CHIC2: variants seen among roughly 807,000 people sequenced by gnomAD.
The protein encoded by CHIC2 is cysteine-rich hydrophobic domain-containing protein 2.
In CHIC2, 14 loss-of-function variants were observed where a neutral mutation model predicts 25.9. The observed-to-expected ratio is 0.54, with a 90% CI of 0.36 to 0.85. The LOEUF is 0.85. Among genes scored for constraint, CHIC2 ranks in the 40% least tolerant of loss-of-function variants. The pLI is 0.01. For missense variants in CHIC2, 146 were observed against 202.0 expected (o/e 0.72, Z 1.68); for synonymous variants, 70 against 72.0 (o/e 0.97, Z 0.14).
chr4:54,087,688 C>T, the CHIC2 span: 1 of 541,000 alleles, frequency 1.8e-6, no homozygotes. Flanking sequence ...GGGCCATTTG[C>T]ATGATTTCCT....
At chr4:54,053,503 C>G (rs904286428) in intron 1 of CHIC2, among the ~76,000 whole-genome samples, 32 of 142,848 alleles carry the variant, frequency 2.2e-4, no homozygotes, top group Admixed American at 2.0e-3. Flanking sequence ...TGCAGTGAGC[C>G]AAGATTGCGT....
chr4:54,083,836 T>C, the CHIC2 span, among the ~76,000 whole-genome samples: 3 of 152,184 alleles, frequency 2.0e-5, 1 homozygote, highest in South Asian at 6.2e-4. Flanking sequence ...ACCATTCATC[T>C]TACTACAGAG....
chr4:54,011,022 T>G lies in CHIC2; in HGVS notation c.448-877A>C, dbSNP rs556418391. ...GAGCTAATTTTTCCAAATTTGAATT[T>G]TCTTAAATTACAGTCAACTCTTTCT... On this transcript the variant is annotated intron_variant, in intron 5 of 5. Coordinates refer to ENST00000263921, the MANE Select transcript of CHIC2 (RefSeq NM_012110.4). Among the ~76,000 whole-genome samples the G allele has an allele frequency of 1.3e-4, 20 of 152,266 alleles. No homozygotes were observed. The South Asian group carries it at 4.1e-3, about 32-fold the overall frequency.
chr4:54,035,673 G>C (rs910289440), intron 3 of CHIC2, among the ~76,000 whole-genome samples: 1 of 151,964 alleles, frequency 6.6e-6, no homozygotes, highest in Non-Finnish European at 1.5e-5. Flanking sequence ...TCAAAGGTTT[G>C]ATTATTTCTA....
intron 3 of CHIC2, among the ~76,000 whole-genome samples, chr4:54,036,841 G>C (rs1380355750): frequency 1.3e-5 from 2 of 150,516 alleles, no homozygotes; most frequent in African/African-American, 4.9e-5. Flanking sequence ...ATATGACCAA[G>C]GCATTCCACT....
intron 1 of CHIC2, among the ~76,000 whole-genome samples, chr4:54,058,726 A>T (rs1304965903): frequency 1.3e-5 from 2 of 152,172 alleles, no homozygotes; most frequent in East Asian, 3.8e-4. Flanking sequence ...AGACACAGCT[A>T]TTAGAGATTT....
intron 3 of CHIC2, among the ~76,000 whole-genome samples, chr4:54,028,754 C>G (rs373142472): frequency 6.6e-6 from 1 of 152,180 alleles, no homozygotes; most frequent in Admixed American, 6.5e-5. Flanking sequence ...AGTTAAACAT[C>G]AGGAATTTAG....
chr4:54,062,606 T>C (rs1717371889), intron 1 of CHIC2, among the ~76,000 whole-genome samples: 1 of 152,210 alleles, frequency 6.6e-6, no homozygotes, highest in Admixed American at 6.5e-5. Flanking sequence ...CCCAACAAAG[T>C]GCTTAGCTTT....
chr4:54,070,390 TTATTTATTTATTTATTTATGTATTTATG>T, the CHIC2 span, among the ~76,000 whole-genome samples: 5 of 136,884 alleles, frequency 3.7e-5, no homozygotes, highest in Admixed American at 7.3e-5. Context: ...TATTATTTAT[TTATTTATTTATTTATTTATGTATTTATG>T]TATTTATTTA....
chr4:54,068,880 C>T (rs1356491815), upstream of CHIC2, among the ~76,000 whole-genome samples: 5 of 152,214 alleles, frequency 3.3e-5, no homozygotes, highest in Admixed American at 1.3e-4. Flanking sequence ...GACTGACCAG[C>T]TATAAATTGG....
chr4:54,027,919 A>C (rs2110068776), intron 3 of CHIC2, among the ~76,000 whole-genome samples: 1 of 152,326 alleles, frequency 6.6e-6, no homozygotes, highest in African/African-American at 2.4e-5. Flanking sequence ...TGTTTTTATA[A>C]AAGCAAAACA....
At chr4:54,064,686 C>CGCGT, upstream of CHIC2, 1 of 1,019,352 alleles carries the variant, frequency 9.8e-7, no homozygotes, top group Non-Finnish European at 1.2e-6. This position sits in a 1 kb window ranked among gnomAD's most constrained non-coding sequence, Gnocchi z 4.2. Flanking sequence ...GGCGGGCGGG[C>CGCGT]GCGTGCGTGG....
In CHIC2 at chr4:54,014,108, C is replaced by T. The variant is rs139288559; in HGVS notation, c.342G>A (p.Ser114=). The change falls in exon 4 of 6, where the codon TCG becomes TCA. Residue 114 remains serine (S), a synonymous_variant. Transcript: ENST00000263921. ...VICLSKRTRR[S]IEKLLEWENN... Reference sequence around the variant, plus strand: ...TTTCCCATTCTAATAACTTCTCAATCGATCTTCGTGTCTGGAAGACAAATG... The same window carrying T: ...TTTCCCATTCTAATAACTTCTCAATTGATCTTCGTGTCTGGAAGACAAATG... The T allele has an allele frequency of 5.0e-6, 8 of 1,613,118 alleles. No homozygotes were observed. In the African/African-American group the frequency reaches 8.0e-5, roughly 16 times the overall value.
chr4:54,047,355 G>T (rs1051353131), intron 3 of CHIC2, among the ~76,000 whole-genome samples: 74 of 152,110 alleles, frequency 4.9e-4, no homozygotes, highest in Admixed American at 9.8e-4. Flanking sequence ...CACACGTATG[G>T]TTATTGCAGC....
intron 3 of CHIC2, among the ~76,000 whole-genome samples, chr4:54,047,722 C>G (rs1716877903): frequency 1.3e-5 from 2 of 151,456 alleles, no homozygotes; most frequent in African/African-American, 4.9e-5. Flanking sequence ...ATGGGTGCAG[C>G]ACACCAACAT....
intron 3 of CHIC2, among the ~76,000 whole-genome samples, chr4:54,035,484 AT>A (rs1445090124): frequency 6.6e-6 from 1 of 152,124 alleles, no homozygotes; most frequent in African/African-American, 2.4e-5. Context: ...TTTTCAAGGA[AT>A]TTGTCCACTT....
chr4:54,014,042 G>A, intron 4 of CHIC2, 21 bp downstream of exon 4: 2 of 1,612,278 alleles, frequency 1.2e-6, no homozygotes, highest in Non-Finnish European at 1.7e-6. Context: ...ACAGTACGAA[G>A]CTGCTCCCTG....
intron 3 of CHIC2, among the ~76,000 whole-genome samples, chr4:54,031,916 A>G (rs35185347): frequency 0.4 from 60,067 of 151,762 alleles, 12,905 homozygotes; most frequent in African/African-American, 0.56. Context: ...CACAGTGCCC[A>G]GCCCACTTGC....
chr4:54,063,780 G>A lies in CHIC2; in HGVS notation c.119+402C>T, dbSNP rs1412785033. ...TGTCACTGGGGTCTCACACGGCCCA[G>A]ATCTGGCCTCTGAGCCATGTCACTG... On this transcript the variant is annotated intron_variant, in intron 1 of 5. Coordinates refer to ENST00000263921, the MANE Select transcript of CHIC2 (RefSeq NM_012110.4). 2.0e-5 allele frequency among the ~76,000 whole-genome samples: 3 copies of A among 152,232 alleles called. No individual in the cohort carries two copies. The South Asian group carries it at 6.2e-4, about 31-fold the overall frequency.
Sources: gnomAD v4.1 joint callset for allele counts (sites outside exome capture counted in the v4.1 genomes callset) on GRCh38, gnomAD v4.1.1 for gene constraint, Gnocchi (gnomAD v3.1) non-coding constraint, MANE v1.5 for transcripts, NCBI Gene and HGNC (gene_info 2026-07-23, HGNC 2026-07-21) for gene names.